Variants in SLC25A26 observed in about 807,000 individuals in gnomAD.
The protein encoded by SLC25A26 is mitochondrial S-adenosylmethionine carrier protein.
Under a neutral mutation model 37.8 loss-of-function variants are expected in SLC25A26, and 36 were observed. That is an observed-to-expected ratio of 0.95 (90% CI 0.73 to 1.26). SLC25A26 has a LOEUF of 1.26. SLC25A26 is among the 50% of genes most tolerant of loss of function. The pLI is 0.00. For synonymous variants in SLC25A26, 129 were observed against 122.5 expected, an observed-to-expected ratio of 1.05 and a Z score of -0.35; for missense variants, 390 against 331.1, an observed-to-expected ratio of 1.18 and a Z score of -1.38.
chr3:66,178,113 C>T (rs1268266850), intron 1 of SLC25A26, among the ~76,000 whole-genome samples: 1 of 152,192 alleles, frequency 6.6e-6, no homozygotes, highest in Non-Finnish European at 1.5e-5. Context: ...GGCAGCACTA[C>T]TCCATATAGT....
intron 2 of SLC25A26, among the ~76,000 whole-genome samples, chr3:66,238,758 G>T (rs1042731313): frequency 2.0e-5 from 3 of 152,062 alleles, no homozygotes; most frequent in African/African-American, 4.8e-5. Context: ...TCAGTAAGTG[G>T]AAGTGGATCA....
At chr3:66,370,904 A>G (rs1362508451) in intron 9 of SLC25A26, among the ~76,000 whole-genome samples, 1 of 152,218 alleles carries the variant, frequency 6.6e-6, no homozygotes, top group Non-Finnish European at 1.5e-5. Flanking sequence ...CAGAGGTTAC[A>G]CAGTGCAGAA....
intron 1 of SLC25A26, among the ~76,000 whole-genome samples, chr3:66,171,924 C>G (rs2070504686): frequency 6.6e-6 from 1 of 152,216 alleles, no homozygotes; most frequent in Admixed American, 6.5e-5. Flanking sequence ...TGGTGCTACT[C>G]TTCCTTACCC....
chr3:66,300,253 TTTG>T (rs1480686898), intron 5 of SLC25A26, among the ~76,000 whole-genome samples: 1 of 140,966 alleles, frequency 7.1e-6, no homozygotes, highest in Non-Finnish European at 1.5e-5. Context: ...GTTTTTTTGT[TTTG>T]TTTTTTTTTT....
rs1208321581 is a variant in SLC25A26 at position 66,209,894 on chromosome 3, CTATTTATATATATATATATA to C, written c.-353-10844_-353-10825del. ...TATATATACTCCTCTCTCTCTCTCT[CTATTTATATATATATATATA>C]TATATATATATATATATATATATAT... is the stretch of plus-strand genomic sequence containing the variant. On this transcript the variant is annotated intron_variant, in intron 1 of 10. Transcript: ENST00000676754. 5.3e-4 allele frequency among the ~76,000 whole-genome samples: 7 copies of C among 13,182 alleles called. No homozygotes were observed. In the Admixed American group the frequency reaches 5.4e-3, roughly 10 times the overall value. 8.6% of individuals were successfully genotyped at this position (13,182 alleles called of 152,430 possible).
At chr3:66,230,806 AAAAAAAAAAAAAAC>A (rs2071983188) in intron 1 of SLC25A26, among the ~76,000 whole-genome samples, 1 of 15,234 alleles carries the variant, frequency 6.6e-5, no homozygotes, top group Non-Finnish European at 3.6e-4. Context: ...ACTCTGTCTC[AAAAAAAAAAAAAAC>A]AAAAAAAAAC....
At chr3:66,310,946 T>C (rs752840224) in intron 5 of SLC25A26, among the ~76,000 whole-genome samples, 25 of 152,198 alleles carry the variant, frequency 1.6e-4, no homozygotes, top group Admixed American at 1.6e-3. Flanking sequence ...CTTTCAACCT[T>C]GGTGAATCTG....
chr3:66,296,661 T>A (rs1261673649), intron 5 of SLC25A26, among the ~76,000 whole-genome samples: 2 of 152,234 alleles, frequency 1.3e-5, no homozygotes, highest in Non-Finnish European at 2.9e-5. Context: ...ATTAGCTAAA[T>A]ATTATATTTA....
At chr3:66,142,288 A>G (rs2070047087) in intron 1 of SLC25A26, among the ~76,000 whole-genome samples, 2 of 152,284 alleles carry the variant, frequency 1.3e-5, no homozygotes, top group South Asian at 2.1e-4. Flanking sequence ...TTTGAGGTTC[A>G]TCCAGGCCAT....
At position 66,160,341 on chromosome 3, in the gene SLC25A26, T is replaced by C. The variant is rs949416810; in HGVS notation, c.-354+26357T>C. On this transcript the variant is annotated intron_variant, in intron 1 of 10. Coordinates refer to the SLC25A26 transcript ENST00000676754. ...TATTGACTTGATTTGTCAAATCAGT[T>C]CTGTCCCCCATTTCACCACCACTCC... Among the ~76,000 whole-genome samples, 17 of 152,296 alleles carry C rather than the reference T, an allele frequency of 1.1e-4. 1 individual carries two copies. The highest frequency in any genetic ancestry group is 1.9e-4 in the Non-Finnish European group (13 of 68,024).
rs147662263 is a variant in SLC25A26, at chr3:66,182,786, A to T, written c.-353-37956A>T. ...TGACAAGTCGTCCTCTGCTCCTAAT[A>T]AAGAGAATTAAAATGTGCCTTTAGG... On this transcript the variant is annotated intron_variant, in intron 1 of 10. Coordinates refer to the SLC25A26 transcript ENST00000676754. 2.8e-3 allele frequency among the ~76,000 whole-genome samples: 426 copies of T among 151,992 alleles called. 3 individuals carry two copies. Among genetic ancestry groups the T allele is most frequent in the African/African-American group, 9.7e-3 (403 of 41,422 alleles).
chr3:66,256,297 G>A (rs2073299363), intron 3 of SLC25A26, among the ~76,000 whole-genome samples: 1 of 152,022 alleles, frequency 6.6e-6, no homozygotes, highest in Admixed American at 6.6e-5. Flanking sequence ...TGTTTTTGTG[G>A]ATTTATTGCT....
chr3:66,231,410 T>C (rs2072023276), intron 1 of SLC25A26, among the ~76,000 whole-genome samples: 1 of 152,146 alleles, frequency 6.6e-6, no homozygotes, highest in Admixed American at 6.6e-5. Flanking sequence ...GGCTTAGCTT[T>C]TATATATTTG....
chr3:66,245,454 TC>T (rs1467165808), intron 3 of SLC25A26, among the ~76,000 whole-genome samples: 1 of 152,102 alleles, frequency 6.6e-6, no homozygotes, highest in Non-Finnish European at 1.5e-5. Context: ...TAAACCCCCA[TC>T]CTTGTGATGG....
chr3:66,280,922 G>T (rs2074314561), intron 5 of SLC25A26, among the ~76,000 whole-genome samples: 1 of 152,040 alleles, frequency 6.6e-6, no homozygotes, highest in East Asian at 1.9e-4. Context: ...TCACACCCAA[G>T]AAATTTAATA....
intron 1 of SLC25A26, among the ~76,000 whole-genome samples, chr3:66,141,377 C>A (rs1225526910): frequency 6.6e-6 from 1 of 151,900 alleles, no homozygotes; most frequent in Non-Finnish European, 1.5e-5. Context: ...CAGCCATGTA[C>A]CACCACACTC....
intron 1 of SLC25A26, among the ~76,000 whole-genome samples, chr3:66,175,752 C>G (rs908434268): frequency 1.3e-5 from 2 of 152,192 alleles, no homozygotes; most frequent in Non-Finnish European, 2.9e-5. Context: ...AAGGAATTCT[C>G]TCTTACTCTA....
intron 7 of SLC25A26, among the ~76,000 whole-genome samples, chr3:66,364,509 GTC>G (rs2076783298): frequency 6.6e-6 from 1 of 152,154 alleles, no homozygotes; most frequent in African/African-American, 2.4e-5. Context: ...GGATTCTGAA[GTC>G]TCTTTTTGCT....
chr3:66,209,040 G>GTATATATATA (rs1172568131), intron 1 of SLC25A26, among the ~76,000 whole-genome samples: 3 of 33,488 alleles, frequency 9.0e-5, no homozygotes, highest in African/African-American at 2.8e-4. Context: ...ATATAAAGGT[G>GTATATATATA]TATATATATA....
Sources: allele counts gnomAD v4.1 joint callset (sites outside exome capture counted in the v4.1 genomes callset), GRCh38; gene constraint gnomAD v4.1.1; transcripts MANE v1.5; gene names NCBI Gene and HGNC (gene_info 2026-07-23, HGNC 2026-07-21).